Variants in PDSS1 observed in about 807,000 individuals in gnomAD.
The protein encoded by PDSS1 is decaprenyl diphosphate synthase subunit 1, also known as all trans-polyprenyl-diphosphate synthase PDSS1.
A neutral mutation model predicts 57.5 loss-of-function variants in PDSS1; 43 were observed. The ratio of observed to expected loss-of-function variants is 0.75; its 90% CI spans 0.59 to 0.96. The LOEUF (loss-of-function observed/expected upper bound fraction) is 0.96. Among genes scored for constraint, PDSS1 ranks in the 50% least tolerant of loss-of-function variants. PDSS1 has a pLI of 0.00. For synonymous variants in PDSS1, 175 were observed against 191.3 expected (o/e 0.91, Z 0.70); for missense variants, 438 against 527.8 (o/e 0.83, Z 1.67).
intron 10 of PDSS1, among the ~76,000 whole-genome samples, chr10:26,741,213 G>A (rs530653606): frequency 3.5e-4 from 53 of 152,210 alleles, no homozygotes; most frequent in East Asian, 1.2e-3. Context: ...GGCCAGGCGC[G>A]GTGGCTCACA....
Position 26,697,789 on chromosome 10 carries a change from C to A in PDSS1, c.78C>A (p.Pro26=), listed in dbSNP as rs1039558873. ...CGCGGAGCCCCGGGCCCGGCTCCCC[C>A]GGCCGTGCGGGACCGTTGGGGCCGA... ...PAARSPGPGS[P]GRAGPLGPSA... Residue 26 remains proline, a synonymous_variant, in exon 1 of 12, where the codon CCC becomes CCA. Transcript: ENST00000376215. 34 of 1,309,676 alleles carry A rather than the reference C, an allele frequency of 2.6e-5. No individual in the cohort carries two copies. The highest frequency in any genetic ancestry group is 3.2e-5 in the Non-Finnish European group (33 of 1,032,836). 81.1% of individuals were successfully genotyped at this position (1,309,676 alleles called of 1,614,324 possible). A position where few individuals can be genotyped will look rare whatever the true frequency, so the allele number is the denominator to read the frequency against.
intron 10 of PDSS1, among the ~76,000 whole-genome samples, chr10:26,740,129 G>A (rs1323538932): frequency 8.5e-5 from 11 of 128,718 alleles, no homozygotes; most frequent in South Asian, 7.2e-4. Flanking sequence ...ATGACAGAGC[G>A]AAACTCCATC....
chr10:26,697,773 C>A lies in PDSS1; in HGVS notation c.62C>A (p.Pro21His). 7.7e-7 allele frequency: 1 copy of A among 1,295,682 alleles called. No homozygotes were observed. The highest frequency in any genetic ancestry group is 9.7e-7 in the Non-Finnish European group (1 of 1,027,156). The allele number at this position is 1,295,682 out of a possible 1,614,324, so 80.3% of individuals were successfully genotyped here. ...TCCTGGAAGCCGGCGGCGCGGAGCC[C>A]CGGGCCCGGCTCCCCCGGCCGTGCG... ...GCSWKPAARS[P>H]GPGSPGRAGP... The change falls in exon 1 of 12, where the codon CCC becomes CAC. Residue 21 changes from proline to histidine, a missense_variant. This residue lies in a region of PDSS1 where 154 missense variants were observed against 137.0 expected (regional missense o/e 1.12). Transcript: ENST00000376215.
intron 11 of PDSS1, among the ~76,000 whole-genome samples, chr10:26,745,172 T>A (rs553409071): frequency 1.3e-5 from 2 of 151,546 alleles, no homozygotes; most frequent in East Asian, 1.9e-4. Context: ...TCAAAAAAAA[T>A]TTAAAAAAAA....
chr10:26,702,552 TC>T (rs1835083951), intron 2 of PDSS1, among the ~76,000 whole-genome samples: 1 of 152,196 alleles, frequency 6.6e-6, no homozygotes, highest in East Asian at 1.9e-4. Flanking sequence ...CTTTCCCTTT[TC>T]CTTCTGCCAT....
chr10:26,707,498 C>T (rs1835272688), intron 4 of PDSS1, among the ~76,000 whole-genome samples: 1 of 152,078 alleles, frequency 6.6e-6, no homozygotes, highest in African/African-American at 2.4e-5. Flanking sequence ...TCTACTGTAA[C>T]GGACACTTCC....
intron 11 of PDSS1, among the ~76,000 whole-genome samples, chr10:26,744,634 G>A (rs1026358655): frequency 1.3e-5 from 2 of 151,926 alleles, no homozygotes; most frequent in Admixed American, 6.6e-5. Flanking sequence ...TGATCCGCCC[G>A]CCTCGGCCTC....
chr10:26,721,202 G>A (rs937730187), intron 6 of PDSS1, among the ~76,000 whole-genome samples: 5 of 151,792 alleles, frequency 3.3e-5, no homozygotes, highest in African/African-American at 4.8e-5. Context: ...AGGAGGCTTA[G>A]GCAGGAGAAT....
At chr10:26,734,633 C>A in intron 8 of PDSS1, 1 of 455,560 alleles carries the variant, frequency 2.2e-6, no homozygotes, top group African/African-American at 2.0e-5. Context: ...GAAGTTCCTT[C>A]CGATAATGAA....
intron 1 of PDSS1, among the ~76,000 whole-genome samples, chr10:26,698,078 G>T (rs1396970246): frequency 6.6e-6 from 1 of 151,634 alleles, no homozygotes; most frequent in East Asian, 2.0e-4. Context: ...GGTGTCCTGG[G>T]GACCCCGGGA....
intron 3 of PDSS1, 48 bp from the exon 4 acceptor site, chr10:26,705,238 A>G (rs780881791): frequency 8.6e-6 from 9 of 1,045,516 alleles, no homozygotes; most frequent in East Asian, 2.4e-5. Context: ...ATATATGTAT[A>G]TAAAACTTAC....
Position 26,705,352 on chromosome 10 carries a change from C to A in PDSS1, c.294C>A (p.Leu98=), listed in dbSNP as rs747850974. The A allele has an allele frequency of 4.1e-5, 66 of 1,610,964 alleles. No homozygotes were observed. Among genetic ancestry groups the A allele is most frequent in the Non-Finnish European group, 5.5e-5 (65 of 1,177,800 alleles). The change falls in exon 4 of 12, where the codon CTC becomes CTA. Residue 98 remains leucine, a synonymous_variant. Coordinates refer to ENST00000376215, the MANE Select transcript of PDSS1 (RefSeq NM_014317.5). The part of the protein sequence containing the change: ...SGEKYTDPFK[L]GWRDLKGLYE... ...AAAAATACACCGATCCTTTCAAACT[C>A]GGTTGGAGAGACTTGAAAGGTCTGT...
chr10:26,745,163 CA>C (rs543757858), intron 11 of PDSS1, among the ~76,000 whole-genome samples: 1 of 150,416 alleles, frequency 6.6e-6, no homozygotes, highest in Non-Finnish European at 1.5e-5. Context: ...GATTCCATCT[CA>C]AAAAAAATTT....
chr10:26,720,493 T>C, intron 6 of PDSS1, 134 bp downstream of exon 6: 1 of 715,644 alleles, frequency 1.4e-6, no homozygotes, highest in Non-Finnish European at 2.5e-6. Context: ...TTCAAAAAAG[T>C]ATTCATGTCT....
chr10:26,726,937 C>T (rs1001985284), intron 8 of PDSS1, among the ~76,000 whole-genome samples: 6 of 151,972 alleles, frequency 3.9e-5, no homozygotes, highest in African/African-American at 1.5e-4. Context: ...TGGTGCACGC[C>T]TGTAATGCCA....
chr10:26,709,936 A>G (rs1415955536), intron 5 of PDSS1, among the ~76,000 whole-genome samples, 168 bp downstream of exon 5: 1 of 151,976 alleles, frequency 6.6e-6, no homozygotes, highest in Non-Finnish European at 1.5e-5. Context: ...GTGGATCGTG[A>G]GATCAGGAGT....
chr10:26,702,709 G>T (rs1277911611), intron 2 of PDSS1, among the ~76,000 whole-genome samples: 1 of 152,114 alleles, frequency 6.6e-6, no homozygotes, highest in Non-Finnish European at 1.5e-5. Context: ...AATCAGCTAC[G>T]CATTGTGGCA....
intron 8 of PDSS1, among the ~76,000 whole-genome samples, chr10:26,728,774 CT>C (rs33930147): frequency 4.8e-4 from 41 of 84,568 alleles, no homozygotes; most frequent in African/African-American, 9.0e-4. Context: ...TATTCTGTAT[CT>C]TTTTTTTTTT....
At chr10:26,739,603 CTT>C (rs1156384425) in intron 10 of PDSS1, among the ~76,000 whole-genome samples, 11 of 152,284 alleles carry the variant, frequency 7.2e-5, no homozygotes, top group African/African-American at 2.2e-4. Context: ...GTAGAAAAAG[CTT>C]ATACATCATA....
Sources: gnomAD v4.1 joint callset for allele counts (sites outside exome capture counted in the v4.1 genomes callset) on GRCh38, gnomAD v4.1.1 for gene constraint, gnomAD v4.1.1 regional missense constraint, MANE v1.5 for transcripts, NCBI Gene and HGNC (gene_info 2026-07-23, HGNC 2026-07-21) for gene names.